Variants in GPC6 observed in about 807,000 individuals in gnomAD.
GPC6 encodes the protein glypican 6, also known as glypican-6.
In GPC6, 14 loss-of-function variants were observed where a neutral mutation model predicts 55.2. The ratio of observed to expected loss-of-function variants is 0.25; its 90% CI spans 0.17 to 0.40. The LOEUF (loss-of-function observed/expected upper bound fraction) is 0.40, where lower values mean the gene tolerates loss of function less well. Among genes scored for constraint, GPC6 ranks in the 10% least tolerant of loss-of-function variants. GPC6 has a pLI of 1.00. For synonymous variants in GPC6, 278 were observed against 259.6 expected (o/e 1.07, Z -0.68); for missense variants, 641 against 708.5 (o/e 0.90, Z 1.08).
chr13:94,169,990 T>A (rs894001656), intron 4 of GPC6, among the ~76,000 whole-genome samples: 1 of 152,186 alleles, frequency 6.6e-6, no homozygotes, highest in Non-Finnish European at 1.5e-5. Flanking sequence ...AACTTTCACC[T>A]GTCACAGTTT....
At chr13:94,357,899 G>A (rs780211340) in intron 6 of GPC6, among the ~76,000 whole-genome samples, 4 of 150,146 alleles carry the variant, frequency 2.7e-5, no homozygotes, top group East Asian at 1.9e-4. Context: ...AAGTAGAACC[G>A]ATGTCTTTTC....
Position 93,789,509 on chromosome 13 carries a change from C to CTCTCTA in GPC6, c.320-40644_320-40643insCTCTAT, listed in dbSNP as rs1363454667. ...TCTCTCTCTCTCTCTCTCTCTCTCT[C>CTCTCTA]TATATATATATATATATATATATAT... On this transcript the variant is annotated intron_variant, in intron 2 of 8. Coordinates refer to ENST00000377047, the MANE Select transcript of GPC6 (RefSeq NM_005708.5). Among the ~76,000 whole-genome samples the CTCTCTA allele has an allele frequency of 1.9e-3, 175 of 93,454 alleles. 3 individuals are homozygous for CTCTCTA. The highest frequency in any genetic ancestry group is 5.6e-3 in the African/African-American group (134 of 23,780). 61.3% of individuals were successfully genotyped at this position (93,454 alleles called of 152,430 possible). A position where few individuals can be genotyped will look rare whatever the true frequency, so the allele number is the denominator to read the frequency against.
At chr13:93,275,276 G>C (rs1005966520) in intron 1 of GPC6, among the ~76,000 whole-genome samples, 3 of 152,086 alleles carry the variant, frequency 2.0e-5, no homozygotes, top group African/African-American at 7.2e-5. Context: ...ACATGAAATG[G>C]CTTTTTCTGT....
chr13:93,846,011 G>A (rs1452487364), intron 3 of GPC6, among the ~76,000 whole-genome samples: 2 of 151,946 alleles, frequency 1.3e-5, no homozygotes, highest in Non-Finnish European at 2.9e-5. Context: ...ATAAATAAAT[G>A]AAAGTAAACC....
At chr13:94,288,932 T>TATATATATTTGTTATATATATAACAA (rs1874774337) in intron 5 of GPC6, among the ~76,000 whole-genome samples, 2 of 112,956 alleles carry the variant, frequency 1.8e-5, no homozygotes, top group Non-Finnish European at 3.3e-5. Flanking sequence ...ATAACAAATA[T>TATATATATTTGTTATATATATAACAA]AGATAGATAG....
At chr13:94,189,529 G>A (rs748495667) in intron 4 of GPC6, among the ~76,000 whole-genome samples, 2 of 152,168 alleles carry the variant, frequency 1.3e-5, no homozygotes, top group Non-Finnish European at 2.9e-5. Context: ...TGGATGTTGG[G>A]TATAAGTAAA....
chr13:94,026,635 T>G (rs1173092022), intron 3 of GPC6, among the ~76,000 whole-genome samples: 1 of 152,186 alleles, frequency 6.6e-6, no homozygotes, highest in East Asian at 1.9e-4. Flanking sequence ...CTATCTTGTA[T>G]GAGTTCATTC....
intron 1 of GPC6, among the ~76,000 whole-genome samples, chr13:93,491,730 T>C (rs1419932430): frequency 3.1e-5 from 4 of 128,914 alleles, no homozygotes; most frequent in Non-Finnish European, 6.6e-5. Flanking sequence ...GTTTCAGCTT[T>C]CTACATATGT....
intron 1 of GPC6, among the ~76,000 whole-genome samples, chr13:93,436,427 C>A (rs1877576290): frequency 6.6e-6 from 1 of 152,058 alleles, no homozygotes; most frequent in Admixed American, 6.6e-5. Flanking sequence ...TGATAGAATT[C>A]CAAACTGATA....
intron 1 of GPC6, among the ~76,000 whole-genome samples, chr13:93,320,811 A>G (rs951878511): frequency 8.5e-5 from 13 of 152,186 alleles, no homozygotes; most frequent in Admixed American, 5.2e-4. Flanking sequence ...AATGCTTTAC[A>G]AATAAGAACC....
At chr13:93,256,375 T>G (rs1054788671) in intron 1 of GPC6, among the ~76,000 whole-genome samples, 1 of 152,054 alleles carries the variant, frequency 6.6e-6, no homozygotes, top group Non-Finnish European at 1.5e-5. Context: ...TAGGAATAAT[T>G]TATCTCTCCT....
In GPC6 at chr13:94,179,025, G is replaced by A. The variant is rs183475991; in HGVS notation, c.878-107324G>A. On this transcript the variant is annotated intron_variant, in intron 4 of 8. Transcript: ENST00000377047. Reference sequence around the variant, plus strand: ...TCTTGAAGCCTGTTACAAGATACACGCGGTCTAGATTTTTATCTCATTCCT... The same window carrying A: ...TCTTGAAGCCTGTTACAAGATACACACGGTCTAGATTTTTATCTCATTCCT... Among the ~76,000 whole-genome samples the A allele has an allele frequency of 1.7e-3, 257 of 152,218 alleles. 5 individuals are homozygous for A. The highest frequency in any genetic ancestry group is 4.8e-3 in the Admixed American group (74 of 15,274).
chr13:93,753,675 A>G (rs11839678), intron 2 of GPC6, among the ~76,000 whole-genome samples: 12,029 of 152,120 alleles, frequency 0.079, 894 homozygotes, highest in African/African-American at 0.19. Context: ...AGTAGGTCTT[A>G]TTCATCTTCC....
chr13:93,798,918 C>CAAAAAAAAAA (rs57665046), intron 2 of GPC6, among the ~76,000 whole-genome samples: 9 of 86,226 alleles, frequency 1.0e-4, no homozygotes, highest in Non-Finnish European at 1.8e-4. Flanking sequence ...GACTCTGTCT[C>CAAAAAAAAAA]AAAAAAAAAA....
At chr13:94,113,531 G>C (rs1352874837) in intron 4 of GPC6, among the ~76,000 whole-genome samples, 4 of 149,858 alleles carry the variant, frequency 2.7e-5, no homozygotes, top group African/African-American at 9.7e-5. Context: ...AAGTTTCCAT[G>C]TTTTCAAGGA....
chr13:93,521,321 A>G (rs989363320), intron 1 of GPC6, among the ~76,000 whole-genome samples: 2 of 151,766 alleles, frequency 1.3e-5, no homozygotes, highest in Non-Finnish European at 2.9e-5. Flanking sequence ...TTTTAGGGTG[A>G]AAGTGGTATA....
At chr13:93,258,114 C>T (rs1877016171) in intron 1 of GPC6, among the ~76,000 whole-genome samples, 1 of 152,152 alleles carries the variant, frequency 6.6e-6, no homozygotes, top group African/African-American at 2.4e-5. Context: ...AATTCCCATC[C>T]TCTTGAGTCT....
At chr13:94,179,179 G>A (rs953112589) in intron 4 of GPC6, among the ~76,000 whole-genome samples, 1 of 152,154 alleles carries the variant, frequency 6.6e-6, no homozygotes, top group Non-Finnish European at 1.5e-5. Context: ...GCATATCTTT[G>A]TTCTTGAAGT....
At chr13:94,363,049 C>A (rs530959513) in intron 6 of GPC6, among the ~76,000 whole-genome samples, 2 of 152,156 alleles carry the variant, frequency 1.3e-5, no homozygotes, top group South Asian at 2.1e-4. Context: ...CTTGCCCCCA[C>A]CCCCCGACAG....
Sources: allele counts gnomAD v4.1 joint callset (sites outside exome capture counted in the v4.1 genomes callset), GRCh38; gene constraint gnomAD v4.1.1; transcripts MANE v1.5; gene names NCBI Gene and HGNC (gene_info 2026-07-23, HGNC 2026-07-21).